The following NEK4 variants were observed in gnomAD, a reference collection of about 807,000 sequenced individuals.
NEK4 encodes serine/threonine-protein kinase Nek4.
A neutral mutation model predicts 98.4 loss-of-function variants in NEK4; 86 were observed. The ratio of observed to expected loss-of-function variants is 0.87; its 90% CI spans 0.73 to 1.05. The LOEUF (loss-of-function observed/expected upper bound fraction) is 1.05. Ranked by LOEUF, NEK4 falls within the 50% of genes least tolerant of loss-of-function variation. NEK4 has a pLI of 0.00. For synonymous variants in NEK4, 328 were observed against 342.2 expected (o/e 0.96, Z 0.46); for missense variants, 898 against 950.3 (o/e 0.94, Z 0.72).
chr3:52,750,943 A>C (rs1322118985), intron 7 of NEK4, among the ~76,000 whole-genome samples: 1 of 152,224 alleles, frequency 6.6e-6, no homozygotes, highest in African/African-American at 2.4e-5. Flanking sequence ...TTAAAAAATG[A>C]AATTTTTTTA....
rs573962700 is a variant in NEK4, at chr3:52,734,516, T to C, written c.2433+3070A>G. Among the ~76,000 whole-genome samples the C allele has an allele frequency of 2.9e-5, 4 of 139,598 alleles. No homozygotes were observed. The South Asian group carries it at 6.7e-4, about 23-fold the overall frequency. The allele number at this position is 139,598 out of a possible 152,430, so 91.6% of individuals were successfully genotyped here. On this transcript the variant is annotated intron_variant, in intron 15 of 15. Coordinates refer to ENST00000233027, the MANE Select transcript of NEK4 (RefSeq NM_003157.6). Reference sequence around the variant, plus strand: ...GGTGAAACCCTGTCCCTACTAAAAATACAAAAATTAGCCATGTGTGGTGGC... The same window carrying C: ...GGTGAAACCCTGTCCCTACTAAAAACACAAAAATTAGCCATGTGTGGTGGC...
intron 2 of NEK4, among the ~76,000 whole-genome samples, chr3:52,767,187 G>A (rs1698598704): frequency 1.3e-5 from 2 of 151,990 alleles, no homozygotes; most frequent in Non-Finnish European, 1.5e-5. Context: ...TTGGGAGGCT[G>A]AGGCACAAGA....
At chr3:52,713,082 A>G (rs2097351959) in intron 15 of NEK4, among the ~76,000 whole-genome samples, 1 of 152,146 alleles carries the variant, frequency 6.6e-6, no homozygotes. Flanking sequence ...TCCCCCTTCC[A>G]TATCATTAGC....
At chr3:52,740,077 G>C (rs1247052314) in intron 13 of NEK4, among the ~76,000 whole-genome samples, 1 of 152,140 alleles carries the variant, frequency 6.6e-6, no homozygotes, top group East Asian at 1.9e-4. Flanking sequence ...CTATACTCAA[G>C]TACAAAGCTC....
intron 7 of NEK4, among the ~76,000 whole-genome samples, 181 bp downstream of exon 7, chr3:52,751,751 A>T (rs2097405435): frequency 6.6e-6 from 1 of 152,222 alleles, no homozygotes; most frequent in African/African-American, 2.4e-5. Flanking sequence ...GCAAGAGGGA[A>T]TGGTGAGTGA....
chr3:52,725,051 TC>T (rs2097363251), intron 15 of NEK4, among the ~76,000 whole-genome samples: 1 of 152,184 alleles, frequency 6.6e-6, no homozygotes. Flanking sequence ...ATTTGTAATT[TC>T]TTTTTTTTGT....
chr3:52,726,447 A>G lies in NEK4; in HGVS notation c.2433+11139T>C, dbSNP rs572758122. ...CCCTGTCTCTTCTAAAAATACAAAA[A>G]AATTAGCTGGGCATGGTGGCGGGCA... On this transcript the variant is annotated intron_variant, in intron 15 of 15. Transcript: ENST00000233027. Among the ~76,000 whole-genome samples, 18 of 151,854 alleles carry G rather than the reference A, an allele frequency of 1.2e-4. No individual in the cohort carries two copies. In the South Asian group the frequency reaches 3.5e-3, roughly 30 times the overall value.
At chr3:52,751,455 C>CAAAA (rs11426928) in intron 7 of NEK4, among the ~76,000 whole-genome samples, 3 of 125,596 alleles carry the variant, frequency 2.4e-5, no homozygotes, top group Admixed American at 8.0e-5. Context: ...GACTCTGTCT[C>CAAAA]AAAAAAAAAA....
At chr3:52,733,768 C>T in intron 15 of NEK4, 3 of 438,896 alleles carry the variant, frequency 6.8e-6, no homozygotes, top group Non-Finnish European at 1.4e-5. Flanking sequence ...AGAGACCTTA[C>T]AAGTGTAATT....
At chr3:52,768,737 T>G in intron 1 of NEK4, 133 bp from the exon 2 acceptor site, 1 of 759,290 alleles carries the variant, frequency 1.3e-6, no homozygotes, top group Non-Finnish European at 2.1e-6. Flanking sequence ...ATTCATTTTG[T>G]TTTTCACCAA....
chr3:52,744,457 G>A (rs1578662272), intron 10 of NEK4, 152 bp from the exon 11 acceptor site: 6 of 671,864 alleles, frequency 8.9e-6, no homozygotes, highest in Admixed American at 2.2e-5. Flanking sequence ...AGGCTGGGGT[G>A]GGCAGATCAC....
At chr3:52,756,086 ACTT>A (rs2097414637) in intron 6 of NEK4, among the ~76,000 whole-genome samples, 1 of 152,204 alleles carries the variant, frequency 6.6e-6, no homozygotes, top group South Asian at 2.1e-4. Context: ...GGATTGAAAG[ACTT>A]AACATTGTTC....
At position 52,737,625 on chromosome 3, in the gene NEK4, C is replaced by T. The variant is rs1578649003; in HGVS notation, c.2394G>A (p.Val798=). 3.1e-6 allele frequency: 5 copies of T among 1,613,850 alleles called. No homozygotes were observed. The South Asian group carries it at 4.4e-5, about 14-fold the overall frequency. Residue 798 remains valine, a synonymous_variant, in exon 15 of 16, where the codon GTG becomes GTA. Transcript: ENST00000233027. ...RGLGVQLLEQ[V]YDLLEEEDEF... ...CATCCTCCTCCTCCAAAAGATCATACACCTGCTCTAAAAGCTGAACTCCCA... is the reference window on the plus strand; with the variant it reads ...CATCCTCCTCCTCCAAAAGATCATATACCTGCTCTAAAAGCTGAACTCCCA...
chr3:52,742,252 T>G (rs1248513321), intron 12 of NEK4, among the ~76,000 whole-genome samples: 28 of 152,004 alleles, frequency 1.8e-4, no homozygotes, highest in Non-Finnish European at 1.5e-5. Context: ...TTCTTTTTTT[T>G]GGATACAGGG....
At chr3:52,721,265 G>T (rs960411277) in intron 15 of NEK4, among the ~76,000 whole-genome samples, 14 of 152,230 alleles carry the variant, frequency 9.2e-5, no homozygotes, top group African/African-American at 3.4e-4. Flanking sequence ...CTGAAGTACA[G>T]ATATAGAAGC....
At chr3:52,718,472 C>CAAAAA (rs35974184) in intron 15 of NEK4, among the ~76,000 whole-genome samples, 1 of 92,426 alleles carries the variant, frequency 1.1e-5, no homozygotes, top group Non-Finnish European at 2.2e-5. Context: ...GACTCCGTCT[C>CAAAAA]AAAAAAAAAA....
chr3:52,742,357 C>CA, intron 12 of NEK4, among the ~76,000 whole-genome samples: 1 of 152,040 alleles, frequency 6.6e-6, no homozygotes, highest in African/African-American at 2.4e-5. Flanking sequence ...ACCCACAAGC[C>CA]ACCATGCCCA....
rs747269522 is a variant in NEK4 at position 52,746,191 on chromosome 3, C to T, written c.1697G>A (p.Arg566Gln). ...AACAATGGGATGAGAAGGCAAAAAT[C>T]GAGGAGGCGACTCTTGGAACTTAAA... Reference protein sequence around the residue: ...DLFAFQESPPRFLPSHPIVGK... With the variant: ...DLFAFQESPPQFLPSHPIVGK... Residue 566 changes from arginine to glutamine, a missense_variant, in exon 10 of 16, where the codon CGA becomes CAA. Physicochemically the swap from Arg to Gln is conservative, Grantham distance 43. Coordinates refer to ENST00000233027, the MANE Select transcript of NEK4 (RefSeq NM_003157.6). The T allele has an allele frequency of 1.1e-5, 18 of 1,613,932 alleles. No individual in the cohort carries two copies. Among genetic ancestry groups the T allele is most frequent in the East Asian group, 2.2e-5 (1 of 44,888 alleles).
chr3:52,767,101 T>C (rs1024735166), intron 2 of NEK4, among the ~76,000 whole-genome samples: 6 of 151,662 alleles, frequency 4.0e-5, no homozygotes, highest in Non-Finnish European at 8.8e-5. Flanking sequence ...CTGGGCAACA[T>C]GGCAAAACCC....
Sources: allele counts gnomAD v4.1 joint callset (sites outside exome capture counted in the v4.1 genomes callset), GRCh38; gene constraint gnomAD v4.1.1; transcripts MANE v1.5; gene names NCBI Gene and HGNC (gene_info 2026-07-23, HGNC 2026-07-21).